Variants in RGS7 observed in about 807,000 individuals in gnomAD.
The protein encoded by RGS7 is regulator of G protein signaling 7, also known as regulator of G-protein signaling 7.
A neutral mutation model predicts 81.1 loss-of-function variants in RGS7; 27 were observed. That is an observed-to-expected ratio of 0.33 (90% CI 0.25 to 0.46). The LOEUF is 0.46. Among genes scored for constraint, RGS7 ranks in the 20% least tolerant of loss-of-function variants. RGS7 has a pLI of 1.00. For missense variants in RGS7, 396 were observed against 607.4 expected (o/e 0.65, Z 3.66); for synonymous variants, 208 against 207.7 (o/e 1.00, Z -0.01).
At chr1:240,914,645 A>G (rs1672297366) in intron 6 of RGS7, among the ~76,000 whole-genome samples, 1 of 152,156 alleles carries the variant, frequency 6.6e-6, no homozygotes, top group Non-Finnish European at 1.5e-5. Flanking sequence ...AATAAAAACA[A>G]CATAGTCATG....
chr1:241,057,538 GT>G (rs1475016931), intron 3 of RGS7, among the ~76,000 whole-genome samples: 1 of 151,958 alleles, frequency 6.6e-6, no homozygotes. Context: ...GGTGGAGATG[GT>G]TTGAATCTAG....
At chr1:240,928,796 A>G (rs1035193871) in intron 6 of RGS7, among the ~76,000 whole-genome samples, 3 of 151,870 alleles carry the variant, frequency 2.0e-5, no homozygotes, top group African/African-American at 2.4e-5. Flanking sequence ...TTTTTAGTAG[A>G]GATGGGGTTT....
rs1286623933 is a variant in RGS7 at position 241,164,360 on chromosome 1, C to T, written c.79-65598G>A. Among the ~76,000 whole-genome samples, 3 of 152,136 alleles carry T rather than the reference C, an allele frequency of 2.0e-5. No individual in the cohort carries two copies. Among genetic ancestry groups the T allele is most frequent in the Admixed American group, 2.0e-4 (3 of 15,278 alleles). ...TCAACTTAACCTTCAGCCCCTTTCC[C>T]CTCCTTGGAAGTTGAGGGGTAGGGC... is the stretch of plus-strand genomic sequence containing the variant. On this transcript the variant is annotated intron_variant, in intron 2 of 18. Coordinates refer to ENST00000440928, the MANE Select transcript of RGS7 (RefSeq NM_001364886.1). The surrounding 1 kb of genome is among the most constrained non-coding windows in gnomAD (Gnocchi z 4.1).
chr1:241,343,297 G>A (rs1391455421), intron 2 of RGS7, among the ~76,000 whole-genome samples: 2 of 151,930 alleles, frequency 1.3e-5, no homozygotes, highest in Non-Finnish European at 2.9e-5. Flanking sequence ...CAATTACCAG[G>A]TGATCCAGCA....
At chr1:241,285,161 C>T (rs536997933) in intron 2 of RGS7, among the ~76,000 whole-genome samples, 21 of 152,294 alleles carry the variant, frequency 1.4e-4, no homozygotes, top group Admixed American at 5.9e-4. Context: ...TGAGCCACCG[C>T]GCCCGGCCAA....
intron 2 of RGS7, among the ~76,000 whole-genome samples, chr1:241,350,368 T>G (rs911082691): frequency 3.3e-5 from 5 of 152,124 alleles, no homozygotes; most frequent in African/African-American, 1.2e-4. Flanking sequence ...AATAATCTGA[T>G]TTACAAAAGA....
intron 3 of RGS7, among the ~76,000 whole-genome samples, chr1:241,093,562 T>A (rs574011036): frequency 6.6e-6 from 1 of 152,164 alleles, no homozygotes; most frequent in Non-Finnish European, 1.5e-5. Context: ...ACCAATCCCA[T>A]ATTTTTAAAA....
rs1373293450 is a variant in RGS7, at chr1:241,084,769, T to C, written c.175+13897A>G. ...GCCTTAATTATCAACATTTTTATGA[T>C]GAAGAACCTTCCTAAACTAATGAAA... is the stretch of plus-strand genomic sequence containing the variant. On this transcript the variant is annotated intron_variant, in intron 3 of 18. Transcript: ENST00000440928. Among the ~76,000 whole-genome samples the C allele has an allele frequency of 4.6e-5, 7 of 152,346 alleles. No individual in the cohort carries two copies. In the East Asian group the frequency reaches 1.4e-3, roughly 29 times the overall value.
intron 2 of RGS7, among the ~76,000 whole-genome samples, chr1:241,106,031 G>A (rs2065075201): frequency 6.6e-6 from 1 of 152,174 alleles, no homozygotes; most frequent in Admixed American, 6.5e-5. Context: ...GGTGGTGGCA[G>A]GTTTTCATAA....
intron 2 of RGS7, among the ~76,000 whole-genome samples, chr1:241,176,409 G>A (rs1039753730): frequency 2.0e-5 from 3 of 152,162 alleles, no homozygotes; most frequent in Admixed American, 1.3e-4. Flanking sequence ...CAAGGATGAA[G>A]GGAAAAGTGC....
intron 6 of RGS7, chr1:240,920,524 G>A: frequency 1.2e-6 from 1 of 846,408 alleles, no homozygotes; most frequent in South Asian, 1.3e-5. Context: ...TATGGTGATG[G>A]AGGCCAATAC....
chr1:241,093,636 T>C (rs1222874913), intron 3 of RGS7, among the ~76,000 whole-genome samples: 2 of 151,970 alleles, frequency 1.3e-5, no homozygotes, highest in Non-Finnish European at 2.9e-5. Context: ...AAAAAATAAA[T>C]AAAATAAAGT....
At chr1:241,192,721 AAGAAAAC>A (rs1299954154) in intron 2 of RGS7, among the ~76,000 whole-genome samples, 1 of 152,168 alleles carries the variant, frequency 6.6e-6, no homozygotes, top group African/African-American at 2.4e-5. Flanking sequence ...AAGAAAATAG[AAGAAAAC>A]AGAAAATCAG....
intron 2 of RGS7, among the ~76,000 whole-genome samples, chr1:241,222,333 T>C (rs10802935): frequency 0.38 from 57,298 of 151,956 alleles, 11,763 homozygotes; most frequent in East Asian, 0.8. Context: ...ACTTGGTCTT[T>C]ACCCCGAAAT....
chr1:241,298,048 C>G (rs2079528714), intron 2 of RGS7, among the ~76,000 whole-genome samples: 1 of 151,992 alleles, frequency 6.6e-6, no homozygotes, highest in Non-Finnish European at 1.5e-5. Context: ...AGAAAACCAC[C>G]AAAATCATTT....
chr1:240,846,176 G>C (rs1403456303), intron 9 of RGS7, among the ~76,000 whole-genome samples: 1 of 152,142 alleles, frequency 6.6e-6, no homozygotes, highest in Non-Finnish European at 1.5e-5. Flanking sequence ...TTCTTATGGG[G>C]AACAGTTACT....
intron 6 of RGS7, among the ~76,000 whole-genome samples, chr1:240,914,265 A>C (rs960714511): frequency 6.6e-6 from 1 of 152,130 alleles, no homozygotes; most frequent in Non-Finnish European, 1.5e-5. Flanking sequence ...AAAATGTATA[A>C]AGTTTAAAAA....
chr1:240,965,450 C>T lies in RGS7; in HGVS notation c.226+17629G>A, dbSNP rs1014079315. ...AGGTACAGAAGTGTCCCCAACCACACAACATTATTTGACTTTTAGTAGTAG... is the reference window on the plus strand; with the variant it reads ...AGGTACAGAAGTGTCCCCAACCACATAACATTATTTGACTTTTAGTAGTAG... On this transcript the variant is annotated intron_variant, in intron 4 of 18. Coordinates refer to ENST00000440928, the MANE Select transcript of RGS7 (RefSeq NM_001364886.1). 3.9e-5 allele frequency among the ~76,000 whole-genome samples: 6 copies of T among 152,222 alleles called. No homozygotes were observed. The South Asian group carries it at 1.2e-3, about 31-fold the overall frequency.
Position 240,969,156 on chromosome 1 carries a change from A to ACTTTT in RGS7, c.226+13918_226+13922dup, listed in dbSNP as rs201910483. 6.9e-3 allele frequency among the ~76,000 whole-genome samples: 1,051 copies of ACTTTT among 152,120 alleles called. 16 individuals carry two copies. The highest frequency in any genetic ancestry group is 0.02 in the African/African-American group (836 of 41,530). ...TTATTAGCTTTATCCAGTGCTTTTT[A>ACTTTT]CTTTTCTTTTCTTTTCTTTTCGTCT... On this transcript the variant is annotated intron_variant, in intron 4 of 18. Transcript: ENST00000440928.
Sources: gnomAD v4.1 joint callset for allele counts (sites outside exome capture counted in the v4.1 genomes callset) on GRCh38, gnomAD v4.1.1 for gene constraint, Gnocchi (gnomAD v3.1) non-coding constraint, MANE v1.5 for transcripts, NCBI Gene and HGNC (gene_info 2026-07-23, HGNC 2026-07-21) for gene names.